Variants in CDC7 observed in about 807,000 individuals in gnomAD.
The protein encoded by CDC7 is cell division cycle 7-related protein kinase.
CDC7 carries 34 observed loss-of-function variants against 53.5 expected under a neutral mutation model. The ratio of observed to expected loss-of-function variants is 0.64; its 90% CI spans 0.48 to 0.85. The LOEUF is 0.85. CDC7 is among the 40% of genes least tolerant of loss of function. The probability of loss-of-function intolerance (pLI) is 0.00; values close to 1 mark genes in which losing one functional copy is unlikely to be tolerated. For missense variants in CDC7, 594 were observed against 679.7 expected, an observed-to-expected ratio of 0.87 and a Z score of 1.40; for synonymous variants, 211 against 222.8, an observed-to-expected ratio of 0.95 and a Z score of 0.47.
At chr1:91,510,718 T>G (rs1667243616) in intron 4 of CDC7, among the ~76,000 whole-genome samples, 1 of 152,210 alleles carries the variant, frequency 6.6e-6, no homozygotes, top group Non-Finnish European at 1.5e-5. Flanking sequence ...CAAATTGTCT[T>G]CAGGCTCAGC....
intron 11 of CDC7, among the ~76,000 whole-genome samples, chr1:91,520,772 G>A (rs1327005935): frequency 6.6e-6 from 1 of 152,198 alleles, no homozygotes; most frequent in Admixed American, 6.5e-5. Flanking sequence ...GGAAGAGAAT[G>A]GAAATGTGTG....
At chr1:91,519,584 G>T (rs1667807685) in intron 10 of CDC7, among the ~76,000 whole-genome samples, 1 of 152,104 alleles carries the variant, frequency 6.6e-6, no homozygotes, top group East Asian at 1.9e-4. Context: ...TACACCTACT[G>T]TGTACTCAGA....
intron 4 of CDC7, among the ~76,000 whole-genome samples, chr1:91,510,285 A>AT (rs889414493): frequency 1.9e-4 from 29 of 149,748 alleles, no homozygotes; most frequent in East Asian, 5.8e-4. Context: ...AGATTCTCCT[A>AT]TTTTTTTTTA....
chr1:91,508,467 A>G, intron 4 of CDC7, 70 bp downstream of exon 4: 1 of 1,222,800 alleles, frequency 8.2e-7, no homozygotes, highest in Non-Finnish European at 1.2e-6. Flanking sequence ...GATATTTAGC[A>G]GGGATGAGGG....
chr1:91,516,022 T>G, intron 10 of CDC7, 146 bp downstream of exon 10: 1 of 642,684 alleles, frequency 1.6e-6, no homozygotes. Context: ...GCATTCCTAT[T>G]TTTGAGCTAA....
At chr1:91,502,467 GT>G (rs1021100344) in intron 2 of CDC7, among the ~76,000 whole-genome samples, 1 of 151,876 alleles carries the variant, frequency 6.6e-6, no homozygotes, top group African/African-American at 2.4e-5. Context: ...TTCTGAAAGG[GT>G]AGCCAGATCA....
Position 91,512,966 on chromosome 1 carries a change from TAC to T in CDC7, c.573-90_573-89del, listed in dbSNP as rs1045435610. The T allele has an allele frequency of 1.4e-4, 145 of 1,043,068 alleles. No individual in the cohort carries two copies. The African/African-American group carries it at 1.9e-3, about 14-fold the overall frequency. 64.6% of individuals were successfully genotyped at this position (1,043,068 alleles called of 1,614,324 possible). On this transcript the variant is annotated intron_variant, in intron 6 of 11. Coordinates refer to ENST00000234626, the MANE Select transcript of CDC7 (RefSeq NM_003503.4). Reference sequence around the variant, plus strand: ...ATTCCTAATTGATCCCAAAAAGAATTACAGTTTTTATGAGGATGGTTTGAGAG... The same window carrying T: ...ATTCCTAATTGATCCCAAAAAGAATTAGTTTTTATGAGGATGGTTTGAGAG...
At chr1:91,501,030 G>T (rs371046438) in intron 1 of CDC7, 82 bp downstream of exon 1, 1 of 152,264 alleles carries the variant, frequency 6.6e-6, no homozygotes, top group Non-Finnish European at 1.5e-5. Flanking sequence ...CGGTTTTCTC[G>T]CCGTGCAGTT....
rs1406597724 is a variant in CDC7 at position 91,511,539 on chromosome 1, T to TA, written c.336-55dup. The TA allele has an allele frequency of 3.6e-6, 4 of 1,122,434 alleles. No individual in the cohort carries two copies. The African/African-American group carries it at 6.3e-5, about 18-fold the overall frequency. The allele number at this position is 1,122,434 out of a possible 1,614,324, so 69.5% of individuals were successfully genotyped here. ...AAATTGCGGTTTTTAAAATTAGGCA[T>TA]AAAGTTTCAGTCCCTCTGACCTTTC... On this transcript the variant is annotated intron_variant, in intron 4 of 11. Coordinates refer to ENST00000234626, the MANE Select transcript of CDC7 (RefSeq NM_003503.4).
In CDC7 at chr1:91,501,705, A is replaced by T. The variant is rs759244463; in HGVS notation, c.-12A>T. 6.2e-7 allele frequency: 1 copy of T among 1,604,146 alleles called. No homozygotes were observed. The highest frequency in any genetic ancestry group is 1.7e-5 in the Admixed American group (1 of 59,864). ...CCCCTTAGCTGGCATTTTGCATCTC[A>T]ATTGGCTTGTGATGGAGGCGTCTTT... is the stretch of plus-strand genomic sequence containing the variant. On this transcript the variant is annotated 5_prime_UTR_variant, in exon 2 of 12. Coordinates refer to ENST00000234626, the MANE Select transcript of CDC7 (RefSeq NM_003503.4).
intron 4 of CDC7, 76 bp downstream of exon 4, chr1:91,508,473 G>T (rs954325648): frequency 1.3e-5 from 15 of 1,191,424 alleles, no homozygotes; most frequent in Non-Finnish European, 4.8e-6. Context: ...TAGCAGGGAT[G>T]AGGGGATTAT....
chr1:91,505,870 TGTGG>T (rs1666958064), intron 2 of CDC7, among the ~76,000 whole-genome samples: 1 of 152,230 alleles, frequency 6.6e-6, no homozygotes, highest in Non-Finnish European at 1.5e-5. Context: ...TGAGTAGTGG[TGTGG>T]AAGTACCCTT....
chr1:91,511,768 A>G lies in CDC7; in HGVS notation c.430-13A>G, dbSNP rs1198125036. On this transcript the variant is annotated splice_polypyrimidine_tract_variant and intron_variant, in intron 5 of 11. Transcript: ENST00000234626. Reference sequence around the variant, plus strand: ...AATATTTGTAACTCATTTCATTTGTAACTTTGTTTTAGGACATTCTGAATT... The same window carrying G: ...AATATTTGTAACTCATTTCATTTGTGACTTTGTTTTAGGACATTCTGAATT... 6.3e-7 allele frequency: 1 copy of G among 1,591,180 alleles called. No homozygotes were observed. The highest frequency in any genetic ancestry group is 2.3e-5 in the East Asian group (1 of 43,940).
chr1:91,503,343 T>C (rs938084413), intron 2 of CDC7, among the ~76,000 whole-genome samples: 4 of 152,214 alleles, frequency 2.6e-5, no homozygotes, highest in Non-Finnish European at 5.9e-5. Flanking sequence ...GCTAAAGTTA[T>C]ATAAACATAA....
chr1:91,507,653 G>T (rs12137878), intron 2 of CDC7, among the ~76,000 whole-genome samples: 57,902 of 151,842 alleles, frequency 0.38, 12,227 homozygotes, highest in Non-Finnish European at 0.48. Context: ...TTAATTCTGG[G>T]ACTGTCATTT....
chr1:91,513,884 G>A (rs1667415684), intron 7 of CDC7, 64 bp from the exon 8 acceptor site: 2 of 1,179,604 alleles, frequency 1.7e-6, no homozygotes, highest in Non-Finnish European at 2.5e-6. Flanking sequence ...CTATGGCAGA[G>A]TACAGCTGGC....
rs1164050694 is a variant in CDC7 at position 91,524,976 on chromosome 1, A to G, written c.*541A>G. ...GGAAATGTTGGTCATGGGGCAAAGT[A>G]TCACTTAAAATTGAATTCATCCATT... On this transcript the variant is annotated 3_prime_UTR_variant, in exon 12 of 12. Coordinates refer to ENST00000234626, the MANE Select transcript of CDC7 (RefSeq NM_003503.4). 1 of 152,166 alleles carries G rather than the reference A, an allele frequency of 6.6e-6. No individual in the cohort carries two copies. Among genetic ancestry groups the G allele is most frequent in the African/African-American group, 2.4e-5 (1 of 41,458 alleles). 9.4% of individuals were successfully genotyped at this position (152,166 alleles called of 1,614,324 possible). A position where few individuals can be genotyped will look rare whatever the true frequency, so the allele number is the denominator to read the frequency against.
At chr1:91,510,866 G>A (rs1384805132) in intron 4 of CDC7, among the ~76,000 whole-genome samples, 1 of 152,060 alleles carries the variant, frequency 6.6e-6, no homozygotes, top group Non-Finnish European at 1.5e-5. Context: ...TGACTTCCAT[G>A]CTAATAACTC....
intron 10 of CDC7, among the ~76,000 whole-genome samples, chr1:91,517,062 C>CA (rs889234982): frequency 3.4e-5 from 5 of 145,970 alleles, no homozygotes; most frequent in South Asian, 4.4e-4. Context: ...GACTTCATCT[C>CA]AAAAAAAAAA....
Sources: gnomAD v4.1 joint callset for allele counts (sites outside exome capture counted in the v4.1 genomes callset) on GRCh38, gnomAD v4.1.1 for gene constraint, MANE v1.5 for transcripts, NCBI Gene and HGNC (gene_info 2026-07-23, HGNC 2026-07-21) for gene names.